The following ZNF618 variants were observed in gnomAD, a reference collection of about 807,000 sequenced individuals.
ZNF618 encodes the protein neural precursor cell expressed, developmentally down-regulated 10.
Under a neutral mutation model 103.0 loss-of-function variants are expected in ZNF618, and 34 were observed. The ratio of observed to expected loss-of-function variants is 0.33; its 90% CI spans 0.25 to 0.44. The LOEUF (loss-of-function observed/expected upper bound fraction) is 0.44, where lower values mean the gene tolerates loss of function less well. ZNF618 is among the 20% of genes least tolerant of loss of function. The probability of loss-of-function intolerance (pLI) is 1.00; values close to 1 mark genes in which losing one functional copy is unlikely to be tolerated. For missense variants in ZNF618, 1,059 were observed against 1,295.4 expected (o/e 0.82, Z 2.80); for synonymous variants, 551 against 542.2 (o/e 1.02, Z -0.23).
intron 1 of ZNF618, among the ~76,000 whole-genome samples, chr9:113,900,671 T>C (rs1205573868): frequency 1.4e-5 from 2 of 146,710 alleles, no homozygotes; most frequent in African/African-American, 5.2e-5. Flanking sequence ...CACCGTCCTC[T>C]CCCGCAAACC....
intron 1 of ZNF618, among the ~76,000 whole-genome samples, chr9:113,940,020 G>A (rs966293033): frequency 4.0e-5 from 6 of 151,156 alleles, no homozygotes; most frequent in Non-Finnish European, 8.9e-5. Flanking sequence ...ATTCTTCTCA[G>A]TTCATTTCTT....
At chr9:113,919,662 A>G (rs1403119729) in intron 1 of ZNF618, among the ~76,000 whole-genome samples, 1 of 152,164 alleles carries the variant, frequency 6.6e-6, no homozygotes, top group African/African-American at 2.4e-5. Flanking sequence ...AGGAGGTGGA[A>G]CTGTCCCCAT....
chr9:113,907,409 G>A (rs1350004596), intron 1 of ZNF618, among the ~76,000 whole-genome samples: 4 of 152,216 alleles, frequency 2.6e-5, no homozygotes, highest in Non-Finnish European at 4.4e-5. Flanking sequence ...GCCCTGGTGA[G>A]TTTTTTCCTC....
chr9:114,044,900 C>T (rs1845523677), intron 13 of ZNF618, among the ~76,000 whole-genome samples: 4 of 151,952 alleles, frequency 2.6e-5, no homozygotes, highest in African/African-American at 9.7e-5. Flanking sequence ...TGATGTATAG[C>T]AGTGCTACTG....
intron 2 of ZNF618, among the ~76,000 whole-genome samples, chr9:113,975,132 A>G (rs1315646828): frequency 6.6e-6 from 1 of 152,006 alleles, no homozygotes; most frequent in Non-Finnish European, 1.5e-5. Context: ...GACATTGGAG[A>G]GAGGGCTGGA....
At chr9:113,986,879 T>C (rs776865902) in intron 2 of ZNF618, among the ~76,000 whole-genome samples, 1 of 152,176 alleles carries the variant, frequency 6.6e-6, no homozygotes, top group Non-Finnish European at 1.5e-5. Flanking sequence ...ATTAAACCCA[T>C]GCTCCTGTGA....
intron 10 of ZNF618, among the ~76,000 whole-genome samples, chr9:114,027,610 C>T (rs1482222707): frequency 6.6e-6 from 1 of 152,198 alleles, no homozygotes. Context: ...GCCTTCTGTG[C>T]CAGGAATGAG....
At chr9:113,964,750 CTTT>C (rs765191153) in intron 1 of ZNF618, among the ~76,000 whole-genome samples, 1 of 98,482 alleles carries the variant, frequency 1.0e-5, no homozygotes, top group Admixed American at 1.0e-4. Context: ...CTCCTTTCTG[CTTT>C]TTTTTTTTTT....
intron 1 of ZNF618, among the ~76,000 whole-genome samples, chr9:113,965,370 T>C (rs1047558174): frequency 4.6e-5 from 7 of 152,048 alleles, no homozygotes; most frequent in African/African-American, 1.7e-4. Context: ...AAAGAACAAC[T>C]TCACATTCAT....
intron 13 of ZNF618, among the ~76,000 whole-genome samples, chr9:114,045,899 T>C (rs1056790846): frequency 2.0e-5 from 3 of 152,106 alleles, no homozygotes; most frequent in South Asian, 2.1e-4. Flanking sequence ...TTAGGTCTTA[T>C]TTGAGTTCTT....
chr9:113,958,176 A>C (rs1229931178), intron 1 of ZNF618, among the ~76,000 whole-genome samples: 1 of 152,112 alleles, frequency 6.6e-6, no homozygotes, highest in East Asian at 1.9e-4. Flanking sequence ...CTCCAAGGTC[A>C]CCCCACCAGC....
intron 1 of ZNF618, among the ~76,000 whole-genome samples, chr9:113,950,419 T>C (rs1274451885): frequency 1.3e-5 from 2 of 152,352 alleles, no homozygotes; most frequent in African/African-American, 4.8e-5. Flanking sequence ...GCATTTCTTC[T>C]GGCTCTTGCT....
In ZNF618 at chr9:113,969,137, C is replaced by T. The variant is rs369643652; in HGVS notation, c.54C>T (p.Ala18=). ...TGCAGGCTGACGGAGCCAGTGCAGC[C>T]GGAAGGAAAAGCACTGCGAGCAGGT... ...AAPQADGASA[A]GRKSTASRER... Residue 18 remains alanine, a synonymous_variant, in exon 2 of 15, where the codon GCC becomes GCT. Coordinates refer to ENST00000374126, the MANE Select transcript of ZNF618 (RefSeq NM_001318042.2). 1.1e-4 allele frequency: 180 copies of T among 1,613,942 alleles called. 1 individual carries two copies. The African/African-American group carries it at 1.7e-3, about 15-fold the overall frequency.
chr9:113,898,383 C>T (rs1830221538), intron 1 of ZNF618, among the ~76,000 whole-genome samples: 1 of 150,836 alleles, frequency 6.6e-6, no homozygotes, highest in Non-Finnish European at 1.5e-5. Flanking sequence ...GCATGTTTGG[C>T]TTGGCCTGGT....
intron 3 of ZNF618, among the ~76,000 whole-genome samples, chr9:113,997,105 T>C (rs1840693991): frequency 6.6e-6 from 1 of 152,026 alleles, no homozygotes; most frequent in South Asian, 2.1e-4. Context: ...TCTTCTTTTT[T>C]CTTCTTTCTT....
chr9:114,024,734 A>G (rs1194860520), intron 10 of ZNF618, among the ~76,000 whole-genome samples: 1 of 130,568 alleles, frequency 7.7e-6, no homozygotes, highest in African/African-American at 2.8e-5. Flanking sequence ...CAGCCCCCCC[A>G]CCCCCATCCC....
chr9:113,951,439 A>ATGTG (rs1835636178), intron 1 of ZNF618, among the ~76,000 whole-genome samples: 1 of 68,378 alleles, frequency 1.5e-5, no homozygotes, highest in African/African-American at 6.3e-5. Flanking sequence ...GTGTATATAT[A>ATGTG]TACATATATG....
chr9:113,982,640 C>T (rs997050652), intron 2 of ZNF618, among the ~76,000 whole-genome samples: 1 of 152,138 alleles, frequency 6.6e-6, no homozygotes, highest in African/African-American at 2.4e-5. Flanking sequence ...CCGCTCACCC[C>T]ACCACAGAGA....
intron 1 of ZNF618, among the ~76,000 whole-genome samples, chr9:113,915,748 G>A (rs1832011516): frequency 6.6e-6 from 1 of 151,940 alleles, no homozygotes; most frequent in Non-Finnish European, 1.5e-5. Flanking sequence ...GATAGAGAGA[G>A]GTAGATGGAT....
Sources: allele counts gnomAD v4.1 joint callset (sites outside exome capture counted in the v4.1 genomes callset), GRCh38; gene constraint gnomAD v4.1.1; transcripts MANE v1.5; gene names NCBI Gene and HGNC (gene_info 2026-07-23, HGNC 2026-07-21).